Variants in CDR2 observed in about 807,000 individuals in gnomAD.
The protein encoded by CDR2 is cerebellar degeneration related protein 2.
CDR2 carries 34 observed loss-of-function variants against 48.4 expected under a neutral mutation model. The observed-to-expected ratio is 0.70, with a 90% CI of 0.53 to 0.94. CDR2 has a LOEUF of 0.94. Among genes scored for constraint, CDR2 ranks in the 40% least tolerant of loss-of-function variants. The pLI is 0.00. For synonymous variants in CDR2, 240 were observed against 219.7 expected (o/e 1.09, Z -0.82); for missense variants, 498 against 549.5 (o/e 0.91, Z 0.94).
Position 22,364,920 on chromosome 16 carries a change from C to T in CDR2, c.174G>A (p.Glu58=), listed in dbSNP as rs1233894345. The part of the protein sequence containing the change: ...SVQQMYTTNQ[E]QLQEIEYLTK... ...GAATTACCTCAATTTCCTGTAACTG[C>T]TCCTGATTGGTTGTATACATCTGCT... Residue 58 remains glutamate, a synonymous_variant, in exon 2 of 5, where the codon GAG becomes GAA. Coordinates refer to ENST00000268383, the MANE Select transcript of CDR2 (RefSeq NM_001802.2). 3.1e-6 allele frequency: 5 copies of T among 1,607,302 alleles called. No individual in the cohort carries two copies. The South Asian group carries it at 4.4e-5, about 14-fold the overall frequency.
intron 2 of CDR2, among the ~76,000 whole-genome samples, chr16:22,362,466 T>A (rs2049016707): frequency 6.6e-6 from 1 of 152,244 alleles, no homozygotes; most frequent in Admixed American, 6.5e-5. Context: ...TATTTACACT[T>A]CTTTCAGCTA....
intron 4 of CDR2, among the ~76,000 whole-genome samples, chr16:22,348,458 T>C (rs573098110): frequency 6.6e-6 from 1 of 152,212 alleles, no homozygotes; most frequent in Non-Finnish European, 1.5e-5. Flanking sequence ...TCCAACCTAG[T>C]TGGTCTGCTA....
At chr16:22,354,756 T>A (rs967814874) in intron 2 of CDR2, among the ~76,000 whole-genome samples, 9 of 150,328 alleles carry the variant, frequency 6.0e-5, no homozygotes, top group African/African-American at 2.2e-4. Context: ...TAGTTAGGCA[T>A]GGTGGCACAC....
intron 2 of CDR2, among the ~76,000 whole-genome samples, chr16:22,356,060 T>G (rs2048972372): frequency 6.6e-6 from 1 of 152,222 alleles, no homozygotes; most frequent in Non-Finnish European, 1.5e-5. Flanking sequence ...ACTGCCTACA[T>G]TCATCACTAT....
At chr16:22,359,487 A>G (rs1186658987) in intron 2 of CDR2, among the ~76,000 whole-genome samples, 2 of 152,154 alleles carry the variant, frequency 1.3e-5, no homozygotes, top group East Asian at 1.9e-4. Context: ...CAAAATATAT[A>G]TGCTTCCATA....
intron 2 of CDR2, among the ~76,000 whole-genome samples, chr16:22,356,953 G>GAAAAAA (rs1162529433): frequency 5.7e-5 from 5 of 87,508 alleles, no homozygotes; most frequent in South Asian, 3.8e-4. Context: ...AAAAAAAAAA[G>GAAAAAA]AAAAAAAAAA....
chr16:22,347,534 G>T lies in CDR2; in HGVS notation c.796C>A (p.Pro266Thr). The change falls in exon 5 of 5, where the codon CCA (proline) becomes ACA (threonine). Residue 266 changes from proline to threonine, a missense_variant. Physicochemically the swap from Pro to Thr is conservative, Grantham distance 38 (BLOSUM62 -1). Coordinates refer to ENST00000268383, the MANE Select transcript of CDR2 (RefSeq NM_001802.2). Reference sequence around the variant, plus strand: ...AGCTTCTCAACTCCATTCACAAATGGATGCTCTGACTGCAACATCTGTCGC... The same window carrying T: ...AGCTTCTCAACTCCATTCACAAATGTATGCTCTGACTGCAACATCTGTCGC... ...EMRQMLQSEH[P>T]FVNGVEKLVP... 6.2e-7 allele frequency: 1 copy of T among 1,614,038 alleles called. No individual in the cohort carries two copies. The highest frequency in any genetic ancestry group is 8.5e-7 in the Non-Finnish European group (1 of 1,180,036).
In CDR2 at chr16:22,347,246, C is replaced by A; in HGVS notation, c.1084G>T (p.Glu362Ter). Residue 362 changes from glutamate to a stop codon, truncating the protein, a stop_gained, in exon 5 of 5, where the codon GAG becomes TAG. Coordinates refer to ENST00000268383, the MANE Select transcript of CDR2 (RefSeq NM_001802.2). LOFTEE classifies it high-confidence loss of function. Reference sequence around the variant, plus strand: ...TCCTCTTGGCACTTCTTCAGCAACTCTTCATACTTCACCTTCAGGGCGCTG... The same window carrying A: ...TCCTCTTGGCACTTCTTCAGCAACTATTCATACTTCACCTTCAGGGCGCTG... Reference protein sequence around the residue: ...QYSALKVKYEELLKKCQEEQD... With the variant: ...QYSALKVKYE 6.2e-7 allele frequency: 1 copy of A among 1,614,210 alleles called. No individual in the cohort carries two copies. Among genetic ancestry groups the A allele is most frequent in the Non-Finnish European group, 8.5e-7 (1 of 1,180,050 alleles).
intron 2 of CDR2, among the ~76,000 whole-genome samples, chr16:22,356,918 G>A (rs1410528568): frequency 9.2e-6 from 1 of 108,634 alleles, no homozygotes; most frequent in African/African-American, 3.7e-5. Flanking sequence ...TCCAACCTCA[G>A]CAACAGAACA....
At chr16:22,353,770 A>T (rs2048957287) in intron 2 of CDR2, among the ~76,000 whole-genome samples, 1 of 152,216 alleles carries the variant, frequency 6.6e-6, no homozygotes, top group South Asian at 2.1e-4. Flanking sequence ...TGGAATTCAA[A>T]GCCACCTCTG....
chr16:22,371,902 G>A lies in CDR2; in HGVS notation c.79+2329C>T, dbSNP rs532725654. On this transcript the variant is annotated intron_variant, in intron 1 of 4. Coordinates refer to ENST00000268383, the MANE Select transcript of CDR2 (RefSeq NM_001802.2). Reference sequence around the variant, plus strand: ...TGTGTGTGTTTTGAGAGGGAGTTTCGTTCTTGTCATCCAGGCTGGAGTGCA... The same window carrying A: ...TGTGTGTGTTTTGAGAGGGAGTTTCATTCTTGTCATCCAGGCTGGAGTGCA... 5.3e-5 allele frequency among the ~76,000 whole-genome samples: 8 copies of A among 151,324 alleles called. No homozygotes were observed. In the South Asian group the frequency reaches 6.3e-4, roughly 12 times the overall value.
Position 22,349,144 on chromosome 16 carries a change from T to C in CDR2, c.506+135A>G, listed in dbSNP as rs1388987378. ...CTCTGTAATTTATATGTTTAAGTGA[T>C]TTTGTTCAAACCAATGGTAGCTTAA... On this transcript the variant is annotated intron_variant, in intron 4 of 4. Coordinates refer to ENST00000268383, the MANE Select transcript of CDR2 (RefSeq NM_001802.2). The C allele has an allele frequency of 1.0e-5, 9 of 866,922 alleles. No individual in the cohort carries two copies. In the Admixed American group the frequency reaches 1.4e-4, roughly 13 times the overall value. The allele number at this position is 866,922 out of a possible 1,614,324, so 53.7% of individuals were successfully genotyped here.
At chr16:22,348,217 G>A (rs900456388) in intron 4 of CDR2, among the ~76,000 whole-genome samples, 2 of 152,120 alleles carry the variant, frequency 1.3e-5, no homozygotes, top group African/African-American at 2.4e-5. Context: ...GATTACAGAC[G>A]TAAGCCACCA....
intron 2 of CDR2, among the ~76,000 whole-genome samples, chr16:22,358,020 G>C (rs2048986273): frequency 6.6e-6 from 1 of 152,158 alleles, no homozygotes; most frequent in African/African-American, 2.4e-5. Context: ...CCAAGATTCA[G>C]TTATAGGGGA....
intron 1 of CDR2, among the ~76,000 whole-genome samples, chr16:22,371,079 C>T (rs915035821): frequency 1.8e-4 from 28 of 152,108 alleles, no homozygotes; most frequent in Non-Finnish European, 7.4e-5. Context: ...GGTGTGGTGG[C>T]ACGTGTCTGT....
chr16:22,353,416 T>C (rs1260324334), intron 2 of CDR2, among the ~76,000 whole-genome samples: 1 of 152,196 alleles, frequency 6.6e-6, no homozygotes, highest in Non-Finnish European at 1.5e-5. Flanking sequence ...AGCACATTTT[T>C]CTAATGTGAG....
intron 2 of CDR2, among the ~76,000 whole-genome samples, chr16:22,355,741 C>T (rs1389731038): frequency 1.3e-5 from 2 of 152,290 alleles, no homozygotes; most frequent in South Asian, 2.1e-4. Flanking sequence ...CTGCTTTAAC[C>T]TTTACAAATA....
intron 2 of CDR2, among the ~76,000 whole-genome samples, chr16:22,361,837 T>G (rs1056291103): frequency 6.6e-6 from 1 of 151,826 alleles, no homozygotes; most frequent in Non-Finnish European, 1.5e-5. Flanking sequence ...GACTCATGAA[T>G]ATGTTTCCCG....
Position 22,374,345 on chromosome 16 carries a change from GC to G in CDR2, c.-37del. 6.9e-7 allele frequency: 1 copy of G among 1,459,800 alleles called. No homozygotes were observed. The highest frequency in any genetic ancestry group is 9.4e-7 in the Non-Finnish European group (1 of 1,058,854). The allele number at this position is 1,459,800 out of a possible 1,614,324, so 90.4% of individuals were successfully genotyped here. On this transcript the variant is annotated 5_prime_UTR_variant, in exon 1 of 5. Coordinates refer to ENST00000268383, the MANE Select transcript of CDR2 (RefSeq NM_001802.2). ...TCTTCTAGGGGCAGCGGCCCCCGCC[GC>G]CGTCCCGCCTCAGCCGCTGCCCCGG... is the stretch of plus-strand genomic sequence containing the variant.
Sources: gnomAD v4.1 joint callset for allele counts (sites outside exome capture counted in the v4.1 genomes callset) on GRCh38, gnomAD v4.1.1 for gene constraint, MANE v1.5 for transcripts, NCBI Gene and HGNC (gene_info 2026-07-23, HGNC 2026-07-21) for gene names.